The following NFATC1 variants were observed in gnomAD, a reference collection of about 807,000 sequenced individuals.
NFATC1 encodes the protein nuclear factor of activated T-cells, cytoplasmic 1.
Under a neutral mutation model 76.0 loss-of-function variants are expected in NFATC1, and 22 were observed. The observed-to-expected ratio is 0.29, with a 90% CI of 0.21 to 0.41. The LOEUF is 0.41. NFATC1 is among the 10% of genes least tolerant of loss of function. NFATC1 has a pLI of 1.00. For missense variants in NFATC1, 1,357 were observed against 1,337.7 expected (o/e 1.01, Z -0.23); for synonymous variants, 704 against 613.1 (o/e 1.15, Z -2.19).
chr18:79,451,587 G>T, intron 5 of NFATC1, 89 bp from the exon 6 acceptor site: 1 of 1,362,664 alleles, frequency 7.3e-7, no homozygotes. Flanking sequence ...TGGGTGGGTC[G>T]GCTCACGTGT....
At position 79,455,806 on chromosome 18, in the gene NFATC1, C is replaced by T. The variant is rs1387728062; in HGVS notation, c.1903+3990C>T. Among the ~76,000 whole-genome samples, 7 of 119,798 alleles carry T rather than the reference C, an allele frequency of 5.8e-5. No individual in the cohort carries two copies. In the Admixed American group the frequency reaches 6.0e-4, roughly 10 times the overall value. The allele number at this position is 119,798 out of a possible 152,430, so 78.6% of individuals were successfully genotyped here. The stretch of plus-strand genomic sequence containing the variant: ...CGGCCGCCCCATCCCACGGCCGCCC[C>T]ATCCTCTGGCCCTGGATGTTACCAC... On this transcript the variant is annotated intron_variant, in intron 6 of 9. Coordinates refer to ENST00000427363, the MANE Select transcript of NFATC1 (RefSeq NM_001278669.2).
At chr18:79,490,095 C>G (rs969144402) in intron 9 of NFATC1, among the ~76,000 whole-genome samples, 7 of 152,182 alleles carry the variant, frequency 4.6e-5, no homozygotes, top group African/African-American at 9.6e-5. Context: ...ATCTCCCCCC[C>G]GCCCCCGCCC....
chr18:79,473,881 G>A lies in NFATC1; in HGVS notation c.2092+6299G>A, dbSNP rs972943562. Among the ~76,000 whole-genome samples, 554 of 146,100 alleles carry A rather than the reference G, an allele frequency of 3.8e-3. 3 individuals are homozygous for A. Among genetic ancestry groups the A allele is most frequent in the African/African-American group, 0.013 (503 of 38,638 alleles). On this transcript the variant is annotated intron_variant, in intron 8 of 9. Coordinates refer to ENST00000427363, the MANE Select transcript of NFATC1 (RefSeq NM_001278669.2). ...AACGTTGTAAACCTGAGGGAAGCGTGTTCTCACACTCACTGTCGACGTTGT... is the reference window on the plus strand; with the variant it reads ...AACGTTGTAAACCTGAGGGAAGCGTATTCTCACACTCACTGTCGACGTTGT...
intron 2 of NFATC1, among the ~76,000 whole-genome samples, chr18:79,424,376 C>T (rs1041271621): frequency 1.3e-5 from 2 of 152,228 alleles, no homozygotes; most frequent in African/African-American, 2.4e-5. Context: ...AGCCTCTGAC[C>T]GCTGGCCACT....
rs573976332 is a variant in NFATC1, at chr18:79,409,587, G to A, written c.128-816G>A. ...TCTCTTTATCCCTCATTCCTCCCTT[G>A]TTTGTCCATCACCATCCATCTACCT... On this transcript the variant is annotated intron_variant, in intron 1 of 9. Coordinates refer to ENST00000427363, the MANE Select transcript of NFATC1 (RefSeq NM_001278669.2). 5.9e-5 allele frequency among the ~76,000 whole-genome samples: 9 copies of A among 151,838 alleles called. No homozygotes were observed. The South Asian group carries it at 1.9e-3, about 32-fold the overall frequency.
chr18:79,481,024 G>A (rs534431458), intron 8 of NFATC1, among the ~76,000 whole-genome samples: 4 of 152,220 alleles, frequency 2.6e-5, no homozygotes, highest in African/African-American at 9.6e-5. Context: ...TCTTCTGAGC[G>A]GGAGAGATGT....
chr18:79,469,869 G>C (rs55946845), intron 8 of NFATC1: 42,036 of 985,500 alleles, frequency 0.043, 930 homozygotes, highest in Non-Finnish European at 0.047. Context: ...GGTCCTGGGG[G>C]CTGCGACCGC....
intron 5 of NFATC1, 123 bp downstream of exon 5, chr18:79,451,249 A>C: frequency 8.1e-7 from 1 of 1,229,356 alleles, no homozygotes; most frequent in Non-Finnish European, 1.1e-6. Context: ...CACCAAACCC[A>C]CCACAGTGTG....
intron 9 of NFATC1, among the ~76,000 whole-genome samples, chr18:79,523,308 A>G (rs1437114999): frequency 6.6e-6 from 1 of 152,266 alleles, no homozygotes; most frequent in African/African-American, 2.4e-5. Context: ...AGGCCCTGGC[A>G]GCTCCGTTCT....
chr18:79,424,435 G>A (rs2148259481), intron 2 of NFATC1, among the ~76,000 whole-genome samples: 1 of 152,328 alleles, frequency 6.6e-6, no homozygotes, highest in Non-Finnish European at 1.5e-5. Flanking sequence ...AGACCCAGAG[G>A]CTGCCTCACG....
intron 9 of NFATC1, among the ~76,000 whole-genome samples, chr18:79,508,517 A>G (rs2090169625): frequency 6.6e-6 from 1 of 152,160 alleles, no homozygotes; most frequent in African/African-American, 2.4e-5. Flanking sequence ...AATTGAAAGC[A>G]CTAGTCTGAC....
At chr18:79,436,303 G>T (rs1046574173) in intron 3 of NFATC1, among the ~76,000 whole-genome samples, 1 of 152,220 alleles carries the variant, frequency 6.6e-6, no homozygotes. Flanking sequence ...ACTGGGAGCC[G>T]TTGGGAACAA....
chr18:79,434,654 C>A (rs2086709229), intron 3 of NFATC1, among the ~76,000 whole-genome samples: 1 of 152,260 alleles, frequency 6.6e-6, no homozygotes, highest in East Asian at 1.9e-4. Context: ...AAACCGGGTG[C>A]CCCAGCCCCG....
chr18:79,507,610 G>A (rs2090145418), intron 9 of NFATC1, among the ~76,000 whole-genome samples: 3 of 152,238 alleles, frequency 2.0e-5, no homozygotes, highest in Admixed American at 6.5e-5. Context: ...CTCAGCAGGC[G>A]CACAGACGAG....
intron 3 of NFATC1, 37 bp from the exon 4 acceptor site, chr18:79,448,745 C>G: frequency 6.3e-7 from 1 of 1,598,542 alleles, no homozygotes; most frequent in Non-Finnish European, 8.5e-7. Flanking sequence ...GGTCTGTGCT[C>G]TGGGTGCTGA....
chr18:79,442,569 G>C (rs1004410216), intron 3 of NFATC1, among the ~76,000 whole-genome samples: 1 of 152,252 alleles, frequency 6.6e-6, no homozygotes, highest in African/African-American at 2.4e-5. Context: ...CGGGGTCCGG[G>C]AAACAGGCCC....
At position 79,526,058 on chromosome 18, in the gene NFATC1, AC is replaced by A. The variant is rs1326057980; in HGVS notation, c.2783-1465del. On this transcript the variant is annotated intron_variant, in intron 9 of 9. Coordinates refer to ENST00000427363, the MANE Select transcript of NFATC1 (RefSeq NM_001278669.2). ...TAGGGCATTTGGGTGGGGACGTGCG[AC>A]CCCCACACAGAACAGAGCCGTCTTT... 3.3e-5 allele frequency among the ~76,000 whole-genome samples: 5 copies of A among 151,748 alleles called. No individual in the cohort carries two copies. In the East Asian group the frequency reaches 9.7e-4, roughly 29 times the overall value.
intron 2 of NFATC1, among the ~76,000 whole-genome samples, chr18:79,424,967 GTC>G (rs1555902793): frequency 8.6e-6 from 1 of 116,014 alleles, no homozygotes; most frequent in Admixed American, 8.0e-5. Context: ...CTGTCTCTCC[GTC>G]TCTGTCTCTC....
chr18:79,452,047 G>A (rs114445968), intron 6 of NFATC1: 622 of 454,106 alleles, frequency 1.4e-3, no homozygotes, highest in African/African-American at 0.011. Flanking sequence ...TTCTGGGGCC[G>A]CCGGGGCCAC....
Sources: allele counts gnomAD v4.1 joint callset (sites outside exome capture counted in the v4.1 genomes callset), GRCh38; gene constraint gnomAD v4.1.1; transcripts MANE v1.5; gene names NCBI Gene and HGNC (gene_info 2026-07-23, HGNC 2026-07-21).